IL1RAPL2: variants seen among roughly 807,000 people sequenced by gnomAD.
IL1RAPL2 encodes interleukin 1 receptor accessory protein like 2.
In IL1RAPL2, 3 loss-of-function variants were observed where a neutral mutation model predicts 44.1. That is an observed-to-expected ratio of 0.07 (90% confidence interval 0.03 to 0.18). The LOEUF is 0.18. IL1RAPL2 is among the 10% of genes least tolerant of loss of function. The probability of loss-of-function intolerance (pLI) is 1.00; values close to 1 mark genes in which losing one functional copy is unlikely to be tolerated. For missense variants in IL1RAPL2, 391 were observed against 496.4 expected (o/e 0.79, Z 2.02); for synonymous variants, 181 against 178.8 (o/e 1.01, Z -0.10).
At chrX:105,438,830 T>G (rs2035899118) in intron 5 of IL1RAPL2, among the ~76,000 whole-genome samples, 1 of 110,690 alleles carries the variant, frequency 9.0e-6, no homozygotes, top group African/African-American at 3.3e-5. Flanking sequence ...TCCTGTTGAT[T>G]AGTAACCTGC....
At chrX:105,012,647 A>T (rs563550728) in intron 2 of IL1RAPL2, among the ~76,000 whole-genome samples, 1,236 of 35,123 alleles carry the variant, frequency 0.035, 19 homozygotes, top group African/African-American at 0.094. Context: ...TCTCTCTCTC[A>T]CACACACACA....
intron 2 of IL1RAPL2, among the ~76,000 whole-genome samples, chrX:105,075,886 A>C (rs756052663): frequency 1.8e-5 from 2 of 111,296 alleles, no homozygotes; most frequent in South Asian, 3.7e-4. Context: ...ATCGATGGTG[A>C]TATCCCGTTT....
At chrX:105,244,495 C>T (rs146715210) in intron 4 of IL1RAPL2, among the ~76,000 whole-genome samples, 1 of 111,685 alleles carries the variant, frequency 9.0e-6, no homozygotes, top group African/African-American at 3.2e-5. Flanking sequence ...CCGCTTTCTG[C>T]CATGACTTCC....
intron 1 of IL1RAPL2, among the ~76,000 whole-genome samples, chrX:104,637,778 A>G (rs867655106): frequency 5.0e-5 from 5 of 99,078 alleles, no homozygotes; most frequent in Middle Eastern, 5.3e-3. Context: ...GTTTTTGTGT[A>G]TGTGTGTGTG....
At chrX:105,116,902 G>A (rs917461979) in intron 2 of IL1RAPL2, among the ~76,000 whole-genome samples, 11 of 111,784 alleles carry the variant, frequency 9.8e-5, no homozygotes, top group African/African-American at 3.6e-4. Context: ...GATAATTTCA[G>A]TTTCACCTAG....
chrX:105,147,256 C>CTAT (rs1306718292), intron 2 of IL1RAPL2, among the ~76,000 whole-genome samples: 1 of 111,518 alleles, frequency 9.0e-6, no homozygotes, highest in African/African-American at 3.3e-5. Flanking sequence ...TTATTTTAAG[C>CTAT]TATTATTACC....
chrX:105,266,991 A>C (rs2034408006), intron 4 of IL1RAPL2, among the ~76,000 whole-genome samples: 1 of 112,044 alleles, frequency 8.9e-6, no homozygotes, highest in Admixed American at 9.5e-5. Context: ...GGCTAAGTGA[A>C]CCATGTCCTC....
intron 6 of IL1RAPL2, among the ~76,000 whole-genome samples, chrX:105,580,441 A>G (rs1407577387): frequency 9.5e-6 from 1 of 105,088 alleles, no homozygotes; most frequent in African/African-American, 3.5e-5. Context: ...TACAGCTGCC[A>G]ACAACATGTA....
At chrX:104,947,643 T>A (rs6621888) in intron 2 of IL1RAPL2, among the ~76,000 whole-genome samples, 53 of 104,711 alleles carry the variant, frequency 5.1e-4, no homozygotes, top group East Asian at 9.1e-4. Context: ...ATGGCTAGCC[T>A]GTTTTCCCAG....
At chrX:105,408,294 T>TGCA (rs776509470) in intron 5 of IL1RAPL2, among the ~76,000 whole-genome samples, 1 of 111,749 alleles carries the variant, frequency 8.9e-6, no homozygotes, top group South Asian at 3.8e-4. Flanking sequence ...ATTATCTCTC[T>TGCA]GCAGCAGCAG....
chrX:104,971,267 G>C (rs556138108), intron 2 of IL1RAPL2, among the ~76,000 whole-genome samples: 3 of 111,312 alleles, frequency 2.7e-5, no homozygotes, highest in South Asian at 3.9e-4. Context: ...AGAATTGCTT[G>C]AACCTGGGAG....
chrX:104,631,755 G>A (rs1327601743), intron 1 of IL1RAPL2, among the ~76,000 whole-genome samples: 1 of 111,581 alleles, frequency 9.0e-6, no homozygotes, highest in Non-Finnish European at 1.9e-5. Flanking sequence ...TTTGTCAGAT[G>A]AGTAGATTGC....
intron 6 of IL1RAPL2, among the ~76,000 whole-genome samples, chrX:105,486,877 G>A (rs2036272477): frequency 9.1e-6 from 1 of 109,445 alleles, no homozygotes. Flanking sequence ...CAGATCACAA[G>A]GTCAGGAGAT....
intron 6 of IL1RAPL2, among the ~76,000 whole-genome samples, chrX:105,673,492 A>G (rs2037842015): frequency 9.0e-6 from 1 of 111,675 alleles, no homozygotes; most frequent in Admixed American, 9.5e-5. Flanking sequence ...TGCAAAGGAC[A>G]TGATCTCATT....
At chrX:105,301,514 G>A (rs2034697619) in intron 5 of IL1RAPL2, among the ~76,000 whole-genome samples, 2 of 103,713 alleles carry the variant, frequency 1.9e-5, no homozygotes, top group Non-Finnish European at 3.9e-5. Flanking sequence ...TCTTCCCCCC[G>A]CCCTCCCACT....
intron 6 of IL1RAPL2, among the ~76,000 whole-genome samples, chrX:105,646,923 A>ATGG (rs2147841553): frequency 8.9e-6 from 1 of 112,386 alleles, no homozygotes; most frequent in East Asian, 2.8e-4. Context: ...AGCTCCCAAG[A>ATGG]TGGTGGTGGG....
chrX:105,282,909 T>A (rs970522954), intron 5 of IL1RAPL2, among the ~76,000 whole-genome samples: 30 of 111,819 alleles, frequency 2.7e-4, no homozygotes, highest in African/African-American at 9.1e-4. Context: ...TAAATCACAG[T>A]TTAATTACCC....
chrX:105,715,121 T>C (rs1318158898), intron 6 of IL1RAPL2, among the ~76,000 whole-genome samples: 2 of 111,937 alleles, frequency 1.8e-5, no homozygotes, highest in African/African-American at 6.5e-5. Context: ...TGTGCCCTGA[T>C]TGTGGATTAT....
intron 6 of IL1RAPL2, among the ~76,000 whole-genome samples, chrX:105,589,103 A>G (rs1266724235): frequency 8.9e-6 from 1 of 111,773 alleles, no homozygotes; most frequent in East Asian, 2.8e-4. Flanking sequence ...ATGATATCTC[A>G]TTGTGGTTTT....
Sources: gnomAD v4.1 joint callset for allele counts (sites outside exome capture counted in the v4.1 genomes callset) on GRCh38, gnomAD v4.1.1 for gene constraint, MANE v1.5 for transcripts, NCBI Gene and HGNC (gene_info 2026-07-23, HGNC 2026-07-21) for gene names.